The following PFDN2 variants were observed in gnomAD, a reference collection of about 807,000 sequenced individuals.
PFDN2 encodes the protein prefoldin subunit 2, also known as prefoldin 2.
PFDN2 carries 7 observed loss-of-function variants against 18.3 expected under a neutral mutation model. The ratio of observed to expected loss-of-function variants is 0.38; its 90% CI spans 0.22 to 0.72. The LOEUF (loss-of-function observed/expected upper bound fraction) is 0.72, where lower values mean the gene tolerates loss of function less well. Among genes scored for constraint, PFDN2 ranks in the 30% least tolerant of loss-of-function variants. PFDN2 has a pLI of 0.47. For missense variants in PFDN2, 181 were observed against 199.1 expected (o/e 0.91, Z 0.55); for synonymous variants, 76 against 75.0 (o/e 1.01, Z -0.07).
intron 1 of PFDN2, among the ~76,000 whole-genome samples, chr1:161,115,165 C>A (rs746603459): frequency 6.6e-6 from 1 of 152,116 alleles, no homozygotes; most frequent in Non-Finnish European, 1.5e-5. Context: ...CGGATTCAAG[C>A]GATTCTCCCT....
intron 1 of PFDN2, among the ~76,000 whole-genome samples, chr1:161,111,365 C>T (rs1333948738): frequency 1.3e-5 from 2 of 152,170 alleles, no homozygotes; most frequent in Non-Finnish European, 2.9e-5. Flanking sequence ...ATAAAATGGA[C>T]TTAATATAAT....
chr1:161,107,251 C>T (rs1463864835), intron 1 of PFDN2, among the ~76,000 whole-genome samples: 3 of 152,076 alleles, frequency 2.0e-5, no homozygotes, highest in South Asian at 4.1e-4. Flanking sequence ...TGGTGAAACC[C>T]GGTCTTTACT....
intron 1 of PFDN2, among the ~76,000 whole-genome samples, chr1:161,111,738 T>G (rs2101705935): frequency 6.6e-6 from 1 of 152,334 alleles, no homozygotes; most frequent in African/African-American, 2.4e-5. Context: ...TTCTGAAAGT[T>G]CTTCCTCTTT....
At chr1:161,106,255 T>C (rs1470560434) in intron 1 of PFDN2, among the ~76,000 whole-genome samples, 2 of 152,148 alleles carry the variant, frequency 1.3e-5, no homozygotes, top group Non-Finnish European at 2.9e-5. Flanking sequence ...ATGCTTCCTG[T>C]ACAGCCTACA....
intron 1 of PFDN2, among the ~76,000 whole-genome samples, chr1:161,113,864 A>C (rs1654857049): frequency 6.6e-6 from 1 of 152,252 alleles, no homozygotes; most frequent in Admixed American, 6.5e-5. Flanking sequence ...TATGTGGCTC[A>C]AATTTGCAGC....
At chr1:161,100,909 C>G (rs778234305) in intron 3 of PFDN2, 50 bp from the exon 4 acceptor site, 2 of 1,398,894 alleles carry the variant, frequency 1.4e-6, no homozygotes, top group South Asian at 2.4e-5. Flanking sequence ...ACTCCTTTCC[C>G]CCACCTGGAA....
intron 1 of PFDN2, among the ~76,000 whole-genome samples, chr1:161,107,797 C>G (rs1023285627): frequency 6.6e-6 from 1 of 151,030 alleles, no homozygotes; most frequent in Non-Finnish European, 1.5e-5. Flanking sequence ...ATCTGGGATA[C>G]AGAGTGAGAT....
At chr1:161,101,871 A>G (rs955714153) in intron 3 of PFDN2, among the ~76,000 whole-genome samples, 177 bp downstream of exon 3, 2 of 152,216 alleles carry the variant, frequency 1.3e-5, no homozygotes, top group African/African-American at 4.8e-5. Context: ...AGCTGGGACT[A>G]CAGGCACATA....
At chr1:161,106,831 G>T (rs539926222) in intron 1 of PFDN2, among the ~76,000 whole-genome samples, 2 of 151,954 alleles carry the variant, frequency 1.3e-5, no homozygotes, top group South Asian at 4.2e-4. Flanking sequence ...GTAGTGATGG[G>T]GTCTCACTCT....
chr1:161,117,607 G>A (rs945870466), intron 1 of PFDN2, among the ~76,000 whole-genome samples: 1 of 152,212 alleles, frequency 6.6e-6, no homozygotes, highest in Non-Finnish European at 1.5e-5. Context: ...TCTAGGGTTA[G>A]TTTCGAGCTG....
At chr1:161,109,838 C>T (rs563415349) in intron 1 of PFDN2, among the ~76,000 whole-genome samples, 2 of 152,092 alleles carry the variant, frequency 1.3e-5, no homozygotes, top group East Asian at 3.9e-4. Context: ...TCACTTGAGG[C>T]CAGGAGTTCC....
Position 161,111,441 on chromosome 1 carries a change from A to G in PFDN2, c.75+6511T>C, listed in dbSNP as rs561083963. Among the ~76,000 whole-genome samples, 495 of 152,294 alleles carry G rather than the reference A, an allele frequency of 3.3e-3. 4 individuals are homozygous for G. The highest frequency in any genetic ancestry group is 0.011 in the African/African-American group (466 of 41,552). On this transcript the variant is annotated intron_variant, in intron 1 of 3. Transcript: ENST00000368010. ...ATGTTAGGCCAAATCATTCTTTGCT[A>G]GGAGGGCTGTCTCAGGCATTATAGG...
intron 1 of PFDN2, among the ~76,000 whole-genome samples, chr1:161,113,119 TAATAA>T (rs1031393000): frequency 6.6e-6 from 1 of 152,208 alleles, no homozygotes; most frequent in African/African-American, 2.4e-5. Flanking sequence ...GTTAAACAAT[TAATAA>T]TATAACATAT....
At chr1:161,107,833 G>T (rs1272814753) in intron 1 of PFDN2, among the ~76,000 whole-genome samples, 1 of 150,920 alleles carries the variant, frequency 6.6e-6, no homozygotes, top group East Asian at 2.0e-4. Flanking sequence ...CAAAACAAAG[G>T]CCAGGCGTGC....
intron 1 of PFDN2, among the ~76,000 whole-genome samples, chr1:161,107,988 G>GCACA: frequency 6.7e-6 from 1 of 148,814 alleles, no homozygotes; most frequent in South Asian, 2.1e-4. Context: ...GGTGGCGTGT[G>GCACA]CCTGTAGTCC....
intron 1 of PFDN2, among the ~76,000 whole-genome samples, chr1:161,117,351 G>A (rs779545654): frequency 6.6e-6 from 1 of 152,180 alleles, no homozygotes; most frequent in Non-Finnish European, 1.5e-5. Flanking sequence ...GCCACAAAGG[G>A]TTTTCTAATT....
chr1:161,114,107 G>A (rs1402147941), intron 1 of PFDN2, among the ~76,000 whole-genome samples: 4 of 152,004 alleles, frequency 2.6e-5, no homozygotes, highest in Non-Finnish European at 4.4e-5. Context: ...CCATAACCAC[G>A]GCTTTATCAT....
chr1:161,115,731 TA>T (rs1407799493), intron 1 of PFDN2, among the ~76,000 whole-genome samples: 1 of 152,244 alleles, frequency 6.6e-6, no homozygotes, highest in Non-Finnish European at 1.5e-5. Flanking sequence ...TACATTGTCA[TA>T]ACTGTTCTAT....
intron 1 of PFDN2, among the ~76,000 whole-genome samples, chr1:161,103,703 A>AAAAAAAAAAG (rs1654623547): frequency 6.9e-6 from 1 of 145,724 alleles, no homozygotes; most frequent in Non-Finnish European, 1.5e-5. Context: ...AAAAAAAAAA[A>AAAAAAAAAAG]AAAAAAAAAA....
Sources: gnomAD v4.1 joint callset for allele counts (sites outside exome capture counted in the v4.1 genomes callset) on GRCh38, gnomAD v4.1.1 for gene constraint, MANE v1.5 for transcripts, NCBI Gene and HGNC (gene_info 2026-07-23, HGNC 2026-07-21) for gene names.